Variants in ZDBF2 observed in about 807,000 individuals in gnomAD.
The protein encoded by ZDBF2 is zinc finger DBF-type containing 2, also known as DBF4-type zinc finger-containing protein 2.
A neutral mutation model predicts 9.4 loss-of-function variants in ZDBF2; 6 were observed. The ratio of observed to expected loss-of-function variants is 0.64; its 90% CI spans 0.35 to 1.27. ZDBF2 has a LOEUF of 1.27. Among genes scored for constraint, ZDBF2 ranks in the 50% most tolerant of loss-of-function variants. The pLI, the probability that ZDBF2 is intolerant of heterozygous loss-of-function variation, is 0.03. For synonymous variants in ZDBF2, 905 were observed against 946.3 expected, an observed-to-expected ratio of 0.96 and a Z score of 0.80; for missense variants, 2,697 against 2,766.8, an observed-to-expected ratio of 0.97 and a Z score of 0.57.
intron 2 of ZDBF2, among the ~76,000 whole-genome samples, chr2:206,280,958 A>T (rs1422750512): frequency 2.0e-5 from 3 of 152,142 alleles, no homozygotes; most frequent in African/African-American, 7.2e-5. Flanking sequence ...ACTGCATTAA[A>T]TTTTTTACTT....
In ZDBF2 at chr2:206,304,748, G is replaced by C. The variant is rs763288698; in HGVS notation, c.220G>C (p.Gly74Arg). The C allele has an allele frequency of 2.0e-5, 33 of 1,612,686 alleles. No individual in the cohort carries two copies. The highest frequency in any genetic ancestry group is 2.8e-5 in the Non-Finnish European group (33 of 1,179,400). Residue 74 changes from glycine (G) to arginine (R), a missense_variant, in exon 5 of 5, where the codon GGG becomes CGG. This residue lies in a region of ZDBF2 where 910 missense variants were observed against 973.6 expected (regional missense o/e 0.93). Coordinates refer to ENST00000374423, the MANE Select transcript of ZDBF2 (RefSeq NM_020923.3). ...ACAAGATGAGACACATGTGAATACT[G>C]GGTCATCGTCTGAAGTGGTGCATTT... ...STQDETHVNT[G>R]SSSEVVHLDD...
chr2:206,304,717 T>C lies in ZDBF2; in HGVS notation c.189T>C (p.Ser63=), dbSNP rs1692674091. 6.3e-7 allele frequency: 1 copy of C among 1,597,288 alleles called. No individual in the cohort carries two copies. The highest frequency in any genetic ancestry group is 8.5e-7 in the Non-Finnish European group (1 of 1,173,634). Residue 63 remains serine (S), a splice_region_variant and synonymous_variant, in exon 5 of 5, where the codon AGT becomes AGC. Transcript: ENST00000374423. ...QHHPYHCQES[S]STQDETHVNT... is the part of the protein sequence containing the mutation. ...ATGAGTTTCCCCCCTTTCGTTTTAGTTCAACACAAGATGAGACACATGTGA... is the reference window on the plus strand; with the variant it reads ...ATGAGTTTCCCCCCTTTCGTTTTAGCTCAACACAAGATGAGACACATGTGA...
rs766715785 is a variant in ZDBF2 at position 206,309,130 on chromosome 2, T to G, written c.4602T>G (p.Asp1534Glu). 2 of 1,613,626 alleles carry G rather than the reference T, an allele frequency of 1.2e-6. No individual in the cohort carries two copies. Among genetic ancestry groups the G allele is most frequent in the Admixed American group, 1.7e-5 (1 of 59,948 alleles). ...TACTTGTGGATCTGGTGCCCGGTGA[T>G]AGTGATTATGAAGTAATTTCAGATG... The part of the protein sequence containing the change: ...KVVLVDLVPG[D>E]SDYEVISDDI... Residue 1534 changes from aspartate (D) to glutamate (E), a missense_variant, in exon 5 of 5, where the codon GAT (aspartate) becomes GAG (glutamate). Asp to Glu is a conservative substitution (Grantham distance 45). Transcript: ENST00000374423.
chr2:206,308,484 ATAAGGGC>A lies in ZDBF2; in HGVS notation c.3959_3965del (p.Lys1320MetfsTer8). 1 of 1,613,628 alleles carries A rather than the reference ATAAGGGC, an allele frequency of 6.2e-7. No homozygotes were observed. Among genetic ancestry groups the A allele is most frequent in the Non-Finnish European group, 8.5e-7 (1 of 1,179,798 alleles). ...AGGGAGGAACATGTTTGTCTGGATG[ATAAGGGC>A]TATGTGCCCAGTGATTCTGAAATAA... On this transcript the variant is annotated frameshift_variant, in exon 5 of 5. Coordinates refer to ENST00000374423, the MANE Select transcript of ZDBF2 (RefSeq NM_020923.3). LOFTEE classifies it low-confidence loss of function (END_TRUNC).
At chr2:206,285,417 A>G (rs1400962950) in intron 3 of ZDBF2, among the ~76,000 whole-genome samples, 5 of 152,084 alleles carry the variant, frequency 3.3e-5, no homozygotes, top group African/African-American at 1.2e-4. Flanking sequence ...ACATTTTTTA[A>G]TATACTTGTT....
In ZDBF2 at chr2:206,299,821, C is replaced by A. The variant is rs1231758603; in HGVS notation, c.188+2448C>A. Reference sequence around the variant, plus strand: ...CTTGGCCTCTAAAAAAAAAAACAAGCCCCAAGCTGGACGCAGTGGCTCACG... The same window carrying A: ...CTTGGCCTCTAAAAAAAAAAACAAGACCCAAGCTGGACGCAGTGGCTCACG... On this transcript the variant is annotated intron_variant, in intron 4 of 4. Transcript: ENST00000374423. 2.6e-5 allele frequency among the ~76,000 whole-genome samples: 4 copies of A among 151,714 alleles called. No homozygotes were observed. The East Asian group carries it at 7.8e-4, about 30-fold the overall frequency.
At chr2:206,285,858 C>T (rs1047732507) in intron 3 of ZDBF2, among the ~76,000 whole-genome samples, 1 of 152,144 alleles carries the variant, frequency 6.6e-6, no homozygotes, top group East Asian at 1.9e-4. Context: ...TTTCACTTTT[C>T]TGCATATAGA....
intron 3 of ZDBF2, among the ~76,000 whole-genome samples, chr2:206,290,674 A>C (rs1489574263): frequency 1.3e-5 from 2 of 152,214 alleles, no homozygotes; most frequent in Non-Finnish European, 2.9e-5. Flanking sequence ...GGAGAGCTTC[A>C]ATAGATTTTT....
chr2:206,294,392 C>T (rs1024471393), intron 3 of ZDBF2, among the ~76,000 whole-genome samples: 4 of 152,142 alleles, frequency 2.6e-5, no homozygotes, highest in African/African-American at 9.7e-5. Flanking sequence ...GGAACGGATA[C>T]CTTATAGGAT....
intron 3 of ZDBF2, among the ~76,000 whole-genome samples, chr2:206,284,636 A>G (rs889695557): frequency 1.6e-4 from 24 of 152,150 alleles, no homozygotes; most frequent in African/African-American, 5.6e-4. Context: ...AGTAATCAGC[A>G]TTCTATTCTC....
intron 2 of ZDBF2, among the ~76,000 whole-genome samples, chr2:206,280,410 A>G (rs1320226568): frequency 6.6e-6 from 1 of 152,198 alleles, no homozygotes; most frequent in Admixed American, 6.5e-5. Context: ...TGAATGTTTT[A>G]ATTATATTTT....
At chr2:206,276,834 T>C (rs555561339) in intron 1 of ZDBF2, among the ~76,000 whole-genome samples, 4 of 152,356 alleles carry the variant, frequency 2.6e-5, no homozygotes, top group African/African-American at 9.6e-5. Context: ...GCTATTATTA[T>C]TTTATTAAGA....
At position 206,308,899 on chromosome 2, in the gene ZDBF2, T is replaced by C. The variant is rs1692976847; in HGVS notation, c.4371T>C (p.His1457=). 4 of 1,612,632 alleles carry C rather than the reference T, an allele frequency of 2.5e-6. No homozygotes were observed. Among genetic ancestry groups the C allele is most frequent in the Admixed American group, 1.7e-5 (1 of 59,776 alleles). ...CEVCGSEIKC[H]SCVHLQSEVD... ...TCTGTGGTTCTGAAATAAAATGTCA[T>C]TCTTGTGTTCATCTTCAGTCAGAAG... is the stretch of plus-strand genomic sequence containing the variant. The change falls in exon 5 of 5, where the codon CAT becomes CAC. Residue 1457 remains histidine, a synonymous_variant. Transcript: ENST00000374423.
chr2:206,301,967 T>G (rs1028717357), intron 4 of ZDBF2, among the ~76,000 whole-genome samples: 7 of 139,276 alleles, frequency 5.0e-5, no homozygotes, highest in East Asian at 4.0e-4. Context: ...TTAAAAAATG[T>G]TTTTTTTTTT....
At chr2:206,290,805 AC>A (rs2105917131) in intron 3 of ZDBF2, among the ~76,000 whole-genome samples, 1 of 152,268 alleles carries the variant, frequency 6.6e-6, no homozygotes, top group Admixed American at 6.5e-5. Context: ...TAGTTTTACT[AC>A]TTTTTTCCCC....
chr2:206,290,224 T>C lies in ZDBF2; in HGVS notation c.61-7022T>C, dbSNP rs546235280. Among the ~76,000 whole-genome samples the C allele has an allele frequency of 5.3e-5, 8 of 152,350 alleles. No individual in the cohort carries two copies. The South Asian group carries it at 1.7e-3, about 32-fold the overall frequency. On this transcript the variant is annotated intron_variant, in intron 3 of 4. Transcript: ENST00000374423. ...TTATTTATCTATATATCTTCTCTGA[T>C]GCCAGCACCACATAGTCTTGATTAC...
At position 206,305,178 on chromosome 2, in the gene ZDBF2, G is replaced by A; in HGVS notation, c.650G>A (p.Ser217Asn). 1 of 1,613,858 alleles carries A rather than the reference G, an allele frequency of 6.2e-7. No homozygotes were observed. The highest frequency in any genetic ancestry group is 8.5e-7 in the Non-Finnish European group (1 of 1,179,822). Residue 217 changes from serine (S) to asparagine (N), a missense_variant, in exon 5 of 5, where the codon AGC becomes AAC. Ser to Asn is a conservative substitution (Grantham distance 46). Coordinates refer to ENST00000374423, the MANE Select transcript of ZDBF2 (RefSeq NM_020923.3). ...LPPAAHLDSVSKCDPNKVEKY... is the reference protein window; with the variant it reads ...LPPAAHLDSVNKCDPNKVEKY... ...CCAGCAGCTCATTTGGATTCAGTTA[G>A]CAAATGTGACCCAAACAAAGTTGAG...
chr2:206,301,339 T>C (rs1692489972), intron 4 of ZDBF2, among the ~76,000 whole-genome samples: 2 of 152,174 alleles, frequency 1.3e-5, no homozygotes, highest in Non-Finnish European at 2.9e-5. Context: ...AAATTTTTGA[T>C]TTAATCAGAT....
chr2:206,307,483 C>G lies in ZDBF2; in HGVS notation c.2955C>G (p.His985Gln). 5 of 1,613,094 alleles carry G rather than the reference C, an allele frequency of 3.1e-6. No homozygotes were observed. The highest frequency in any genetic ancestry group is 4.2e-6 in the Non-Finnish European group (5 of 1,179,532). The change falls in exon 5 of 5, where the codon CAC (histidine) becomes CAG (glutamine). Residue 985 changes from histidine (H) to glutamine (Q), a missense_variant. Physicochemically the swap from His to Gln is conservative, Grantham distance 24. This residue lies in a region of ZDBF2 where 1,783 missense variants were observed against 1,776.5 expected (regional missense o/e 1.00). Coordinates refer to ENST00000374423, the MANE Select transcript of ZDBF2 (RefSeq NM_020923.3). Reference sequence around the variant, plus strand: ...AAACATGGCTTCAAAGAGAAAAGCACGCTGAATTCCAAGGTAGAAGTACTG... The same window carrying G: ...AAACATGGCTTCAAAGAGAAAAGCAGGCTGAATTCCAAGGTAGAAGTACTG... ...VKETWLQREKHAEFQGRSTEF... is the reference protein window; with the variant it reads ...VKETWLQREKQAEFQGRSTEF...
Sources: gnomAD v4.1 joint callset for allele counts (sites outside exome capture counted in the v4.1 genomes callset) on GRCh38, gnomAD v4.1.1 for gene constraint, gnomAD v4.1.1 regional missense constraint, MANE v1.5 for transcripts, NCBI Gene and HGNC (gene_info 2026-07-23, HGNC 2026-07-21) for gene names.